Variants in PHLDB2 observed in about 807,000 individuals in gnomAD.
The protein encoded by PHLDB2 is pleckstrin homology like domain family B member 2.
A neutral mutation model predicts 123.6 loss-of-function variants in PHLDB2; 71 were observed. The ratio of observed to expected loss-of-function variants is 0.57; its 90% CI spans 0.47 to 0.70. The LOEUF (loss-of-function observed/expected upper bound fraction) is 0.70, where lower values mean the gene tolerates loss of function less well. Ranked by LOEUF, PHLDB2 falls within the 30% of genes least tolerant of loss-of-function variation. The pLI is 0.00. For missense variants in PHLDB2, 1,446 were observed against 1,519.5 expected (o/e 0.95, Z 0.80); for synonymous variants, 547 against 541.6 (o/e 1.01, Z -0.14).
At chr3:111,826,924 T>C (rs1196994935) in intron 1 of PHLDB2, among the ~76,000 whole-genome samples, 3 of 152,096 alleles carry the variant, frequency 2.0e-5, no homozygotes, top group African/African-American at 7.2e-5. Context: ...ATGATGGAAA[T>C]GACGTGATGA....
chr3:111,967,308 A>G (rs1559927417), intron 14 of PHLDB2, among the ~76,000 whole-genome samples: 1 of 152,246 alleles, frequency 6.6e-6, no homozygotes, highest in Non-Finnish European at 1.5e-5. Flanking sequence ...GTTAGAAGAC[A>G]GTAGTCAAAA....
chr3:111,920,198 G>A (rs2068419859), intron 4 of PHLDB2, 84 bp from the exon 5 acceptor site: 2 of 1,456,416 alleles, frequency 1.4e-6, no homozygotes, highest in Non-Finnish European at 1.8e-6. Context: ...GAAATTTGTA[G>A]CTGTTGCAAA....
At chr3:111,890,657 C>T (rs2066425334) in intron 2 of PHLDB2, among the ~76,000 whole-genome samples, 1 of 151,776 alleles carries the variant, frequency 6.6e-6, no homozygotes, top group Admixed American at 6.6e-5. Flanking sequence ...AGTGTTTCAC[C>T]TGGATTTTTT....
At chr3:111,908,259 C>T (rs1200536295) in intron 2 of PHLDB2, among the ~76,000 whole-genome samples, 5 of 152,234 alleles carry the variant, frequency 3.3e-5, no homozygotes, top group South Asian at 4.2e-4. Context: ...TCTCTTTGGG[C>T]GAAGACAAAT....
intron 9 of PHLDB2, among the ~76,000 whole-genome samples, chr3:111,945,913 C>A (rs2070272175): frequency 6.6e-6 from 1 of 152,090 alleles, no homozygotes; most frequent in South Asian, 2.1e-4. Context: ...CAATATCCAC[C>A]TTTCCCCAGT....
chr3:111,871,724 C>T (rs1421183848), intron 1 of PHLDB2, among the ~76,000 whole-genome samples: 1 of 152,172 alleles, frequency 6.6e-6, no homozygotes, highest in Non-Finnish European at 1.5e-5. Flanking sequence ...AAACTCTGAT[C>T]CCTACAGTTC....
intron 12 of PHLDB2, among the ~76,000 whole-genome samples, chr3:111,954,399 G>A (rs1372694818): frequency 1.3e-5 from 2 of 152,134 alleles, no homozygotes; most frequent in Non-Finnish European, 2.9e-5. Flanking sequence ...CCACTATGTC[G>A]AATGAACCTT....
intron 1 of PHLDB2, among the ~76,000 whole-genome samples, chr3:111,759,862 G>A (rs900793221): frequency 6.6e-6 from 1 of 152,256 alleles, no homozygotes; most frequent in Non-Finnish European, 1.5e-5. Context: ...GCTATAATTG[G>A]GTGACAATCA....
At chr3:111,874,327 G>A (rs1203110899) in intron 1 of PHLDB2, among the ~76,000 whole-genome samples, 3 of 152,116 alleles carry the variant, frequency 2.0e-5, no homozygotes, top group Non-Finnish European at 4.4e-5. Context: ...GTTCATAAAT[G>A]TGTTTTTCCC....
At chr3:111,743,455 T>G (rs1046547360) in intron 1 of PHLDB2, among the ~76,000 whole-genome samples, 4 of 152,162 alleles carry the variant, frequency 2.6e-5, no homozygotes, top group Non-Finnish European at 5.9e-5. Context: ...AAATCTGATT[T>G]CTACTCAGTT....
chr3:111,766,107 C>T (rs1303513203), intron 1 of PHLDB2, among the ~76,000 whole-genome samples: 2 of 152,106 alleles, frequency 1.3e-5, no homozygotes, highest in Non-Finnish European at 2.9e-5. Flanking sequence ...AATCATGAAG[C>T]AGTAATTTTT....
chr3:111,974,389 TA>T (rs2072431980), intron 17 of PHLDB2, 33 bp from the exon 18 acceptor site: 1 of 1,543,570 alleles, frequency 6.5e-7, no homozygotes, highest in Non-Finnish European at 8.8e-7. Context: ...TTAAGATGTT[TA>T]TTTTACATTC....
intron 5 of PHLDB2, among the ~76,000 whole-genome samples, chr3:111,929,910 A>ATTTT (rs34482002): frequency 8.1e-6 from 1 of 123,056 alleles, no homozygotes; most frequent in South Asian, 2.6e-4. Context: ...TAAATATAAG[A>ATTTT]TTTTTTTTTT....
rs2068351759 is a variant in PHLDB2, at chr3:111,919,201, G to C, written c.1849G>C (p.Glu617Gln). 1 of 1,614,082 alleles carries C rather than the reference G, an allele frequency of 6.2e-7. No homozygotes were observed. Among genetic ancestry groups the C allele is most frequent in the East Asian group, 2.2e-5 (1 of 44,882 alleles). The change falls in exon 4 of 18, where the codon GAG (glutamate) becomes CAG (glutamine). Residue 617 changes from glutamate (E) to glutamine (Q), a missense_variant. Physicochemically the swap from Glu to Gln is conservative, Grantham distance 29 (BLOSUM62 2). Around this residue, in one of 3 missense-constraint regions of PHLDB2, gnomAD observed 832 missense variants for 831.9 expected, o/e 1.00. Coordinates refer to ENST00000431670, the MANE Select transcript of PHLDB2 (RefSeq NM_001134438.2). The part of the protein sequence containing the change: ...KIKDINDQMD[E>Q]SFRELDMECA... ...CAAAGACATAAATGATCAGATGGATGAGTCTTTCAGAGAGGTAAACTTTTT... is the reference window on the plus strand; with the variant it reads ...CAAAGACATAAATGATCAGATGGATCAGTCTTTCAGAGAGGTAAACTTTTT...
chr3:111,768,264 A>G (rs911623635), intron 1 of PHLDB2, among the ~76,000 whole-genome samples: 1 of 152,212 alleles, frequency 6.6e-6, no homozygotes, highest in Non-Finnish European at 1.5e-5. Flanking sequence ...GTGGTGGTAT[A>G]CTCAGAAGAG....
rs759609270 is a variant in PHLDB2, at chr3:111,884,334, C to T, written c.257C>T (p.Ala86Val). 9.3e-6 allele frequency: 15 copies of T among 1,614,022 alleles called. No homozygotes were observed. Among genetic ancestry groups the T allele is most frequent in the Admixed American group, 8.3e-5 (5 of 59,992 alleles). ...AGTGTCAGAAGCAGCCCCTCCTTAG[C>T]CAAAATCCAGGGAAGCAAGCAGTTC... ...GTSVRSSPSL[A>V]KIQGSKQFSY... is the part of the protein sequence containing the mutation. The change falls in exon 2 of 18, where the codon GCC becomes GTC. Residue 86 changes from alanine (A) to valine (V), a missense_variant. This residue lies in a region of PHLDB2 where 832 missense variants were observed against 831.9 expected (regional missense o/e 1.00). Transcript: ENST00000431670.
intron 2 of PHLDB2, among the ~76,000 whole-genome samples, chr3:111,901,614 T>A (rs573460749): frequency 6.6e-6 from 1 of 152,284 alleles, no homozygotes; most frequent in African/African-American, 2.4e-5. Context: ...AACTAAAGTA[T>A]TTTAATGGAT....
intron 2 of PHLDB2, among the ~76,000 whole-genome samples, chr3:111,912,549 A>G (rs1356452300): frequency 6.6e-6 from 1 of 152,130 alleles, no homozygotes; most frequent in Admixed American, 6.5e-5. Context: ...AGACCTTTAT[A>G]TGGTGACCAG....
chr3:111,736,574 G>A (rs916755572), intron 1 of PHLDB2, among the ~76,000 whole-genome samples: 1 of 152,118 alleles, frequency 6.6e-6, no homozygotes, highest in African/African-American at 2.4e-5. Flanking sequence ...TATTCACGCA[G>A]TTCCCTGGAT....
Sources: allele counts gnomAD v4.1 joint callset (sites outside exome capture counted in the v4.1 genomes callset), GRCh38; gene constraint gnomAD v4.1.1; regional missense constraint gnomAD v4.1.1; transcripts MANE v1.5; gene names NCBI Gene and HGNC (gene_info 2026-07-23, HGNC 2026-07-21).